The following ECE1 variants were observed in gnomAD, a reference collection of about 807,000 sequenced individuals.
The protein encoded by ECE1 is endothelin converting enzyme 1, also known as endothelin-converting enzyme 1.
In ECE1, 35 loss-of-function variants were observed where a neutral mutation model predicts 98.6. The ratio of observed to expected loss-of-function variants is 0.35; its 90% confidence interval spans 0.27 to 0.47. The LOEUF (loss-of-function observed/expected upper bound fraction) is 0.47. Among genes scored for constraint, ECE1 ranks in the 20% least tolerant of loss-of-function variants. The pLI is 1.00. For missense variants in ECE1, 814 were observed against 1,025.3 expected (o/e 0.79, Z 2.81); for synonymous variants, 394 against 407.1 (o/e 0.97, Z 0.39).
At chr1:21,339,107 T>C (rs1365341355) in intron 1 of ECE1, among the ~76,000 whole-genome samples, 1 of 151,900 alleles carries the variant, frequency 6.6e-6, no homozygotes, top group Non-Finnish European at 1.5e-5. Flanking sequence ...GGGGCTGTTA[T>C]CTGAGCTGGG....
At chr1:21,250,972 AC>A (rs35979814) in intron 8 of ECE1, among the ~76,000 whole-genome samples, 28,729 of 151,834 alleles carry the variant, frequency 0.19, 3,358 homozygotes, top group Non-Finnish European at 0.26. Context: ...GCGCCACTGC[AC>A]TCCAGCCTGG....
At chr1:21,303,981 G>T (rs558091547) in intron 1 of ECE1, among the ~76,000 whole-genome samples, 2 of 151,164 alleles carry the variant, frequency 1.3e-5, no homozygotes, top group African/African-American at 4.9e-5. Context: ...AACACTTTGG[G>T]GATATTATTT....
chr1:21,291,056 C>T (rs1384559238), upstream of ECE1, among the ~76,000 whole-genome samples: 1 of 152,178 alleles, frequency 6.6e-6, no homozygotes, highest in East Asian at 1.9e-4. Flanking sequence ...AGAACCATTG[C>T]TCCAGGGGGA....
intron 10 of ECE1, among the ~76,000 whole-genome samples, chr1:21,238,965 C>T (rs1464864703): frequency 6.6e-6 from 1 of 151,952 alleles, no homozygotes. Context: ...CAGGTGCAGG[C>T]CACTATGCCT....
chr1:21,258,332 CATGCTCTGACAGGGAGAG>C lies in ECE1; in HGVS notation c.762+343_762+360del, dbSNP rs1422770272. ...GGGCAGGCTGAGCCTCTGTCTGGGGCATGCTCTGACAGGGAGAGATGGATTCAAACCCATTCCAAGAAG... is the reference window on the plus strand; with the variant it reads ...GGGCAGGCTGAGCCTCTGTCTGGGGCATGGATTCAAACCCATTCCAAGAAG... On this transcript the variant is annotated intron_variant, in intron 6 of 18. Transcript: ENST00000374893. The surrounding 1 kb of genome is among the most constrained non-coding windows in gnomAD (Gnocchi z 4.2). Among the ~76,000 whole-genome samples the C allele has an allele frequency of 6.6e-6, 1 of 152,154 alleles. No homozygotes were observed. Among genetic ancestry groups the C allele is most frequent in the African/African-American group, 2.4e-5 (1 of 41,426 alleles).
intron 3 of ECE1, among the ~76,000 whole-genome samples, chr1:21,278,202 G>A (rs1040013740): frequency 6.6e-6 from 1 of 152,246 alleles, no homozygotes; most frequent in Admixed American, 6.5e-5. Context: ...GGACTGAGAG[G>A]CCCTGGCTTT....
chr1:21,220,013 T>A lies in ECE1; in HGVS notation c.2255A>T (p.His752Leu). The part of the protein sequence containing the change: ...SLSNSKEFSE[H>L]FRCPPGSPMN... ...GGGTGAGCCAGGTGGGCAGCGGAAG[T>A]GTTCTGAGAACTCCTTGGAATTGGA... The change falls in exon 19 of 19, where the codon CAC (histidine) becomes CTC (leucine). Residue 752 changes from histidine (H) to leucine (L), a missense_variant. By Grantham distance (99) the His-to-Leu change is moderately conservative. Coordinates refer to ENST00000374893, the MANE Select transcript of ECE1 (RefSeq NM_001397.3). This position sits in a 1 kb window ranked among gnomAD's most constrained non-coding sequence, Gnocchi z 5.0. The A allele has an allele frequency of 6.2e-7, 1 of 1,614,188 alleles. No individual in the cohort carries two copies. Among genetic ancestry groups the A allele is most frequent in the Non-Finnish European group, 8.5e-7 (1 of 1,180,034 alleles).
chr1:21,274,538 G>A (rs1158375789), intron 3 of ECE1, among the ~76,000 whole-genome samples: 4 of 152,182 alleles, frequency 2.6e-5, no homozygotes, highest in East Asian at 1.9e-4. Context: ...GGCTGGGCAC[G>A]GGGGCTCAGC....
At chr1:21,330,134 T>C (rs1205466409) in intron 1 of ECE1, among the ~76,000 whole-genome samples, 4 of 76,616 alleles carry the variant, frequency 5.2e-5, no homozygotes, top group African/African-American at 2.5e-4. Context: ...CACTAAATAC[T>C]TTTTTTTTTT....
intron 2 of ECE1, among the ~76,000 whole-genome samples, chr1:21,285,612 C>T (rs1447344426): frequency 2.0e-5 from 3 of 151,428 alleles, no homozygotes; most frequent in African/African-American, 7.3e-5. Flanking sequence ...ATCGCTTGAG[C>T]CCAGGAATTC....
intron 1 of ECE1, among the ~76,000 whole-genome samples, chr1:21,321,708 C>T (rs566156694): frequency 2.3e-4 from 35 of 152,274 alleles, no homozygotes; most frequent in African/African-American, 6.7e-4. Flanking sequence ...CTCTGCCTCC[C>T]GGGTTCAAGC....
At chr1:21,244,259 G>A (rs921321480) in intron 10 of ECE1, among the ~76,000 whole-genome samples, 4 of 152,158 alleles carry the variant, frequency 2.6e-5, no homozygotes, top group African/African-American at 4.8e-5. Flanking sequence ...CAGCACATAC[G>A]AGAACTGGTC....
intron 18 of ECE1, among the ~76,000 whole-genome samples, chr1:21,221,343 GTAT>G (rs2098167238): frequency 6.6e-6 from 1 of 151,640 alleles, no homozygotes; most frequent in Admixed American, 6.6e-5. Context: ...CTTTTTTTTT[GTAT>G]TTTTTCATAG....
chr1:21,311,926 C>T (rs1217936308), intron 1 of ECE1, among the ~76,000 whole-genome samples: 2 of 151,904 alleles, frequency 1.3e-5, no homozygotes, highest in Non-Finnish European at 2.9e-5. Context: ...GAGTTCAAGA[C>T]CAGCCTGGCC....
chr1:21,305,782 C>T (rs760297965), intron 1 of ECE1, among the ~76,000 whole-genome samples: 3 of 152,200 alleles, frequency 2.0e-5, no homozygotes, highest in Non-Finnish European at 2.9e-5. Flanking sequence ...AATCTACGTT[C>T]GCCCCCATGC....
At position 21,260,465 on chromosome 1, in the gene ECE1, T is replaced by C. The variant is rs2098225335; in HGVS notation, c.494-73A>G. On this transcript the variant is annotated intron_variant, in intron 4 of 18. Transcript: ENST00000374893. The surrounding 1 kb of genome is among the most constrained non-coding windows in gnomAD (Gnocchi z 4.3). ...TGGGTGGCTTTGGGGCAGTCCCTCT[T>C]TTCGGAGCCTTGGTGTTCTCAGCTG... 6.3e-7 allele frequency: 1 copy of C among 1,582,440 alleles called. No homozygotes were observed. Among genetic ancestry groups the C allele is most frequent in the South Asian group, 1.1e-5 (1 of 90,418 alleles).
chr1:21,247,801 T>G (rs529196808), intron 8 of ECE1, among the ~76,000 whole-genome samples: 43 of 152,332 alleles, frequency 2.8e-4, no homozygotes, highest in African/African-American at 1.0e-3. Flanking sequence ...CCAAACTGCC[T>G]GGGCTCATCT....
At chr1:21,252,645 C>T (rs1376301948) in intron 8 of ECE1, among the ~76,000 whole-genome samples, 1 of 152,236 alleles carries the variant, frequency 6.6e-6, no homozygotes, top group Non-Finnish European at 1.5e-5. Context: ...TGAGTTCAGA[C>T]TCTGCTGGGG....
At chr1:21,292,381 GTC>G (rs1558418692), upstream of ECE1, among the ~76,000 whole-genome samples, 1 of 150,226 alleles carries the variant, frequency 6.7e-6, no homozygotes, top group Non-Finnish European at 1.5e-5. Context: ...AGCTGCTGTT[GTC>G]TCTATCTGGA....
Sources: allele counts gnomAD v4.1 joint callset (sites outside exome capture counted in the v4.1 genomes callset), GRCh38; gene constraint gnomAD v4.1.1; non-coding constraint Gnocchi (gnomAD v3.1); transcripts MANE v1.5; gene names NCBI Gene and HGNC (gene_info 2026-07-23, HGNC 2026-07-21).